TRIM24: variants seen among roughly 807,000 people sequenced by gnomAD.
TRIM24 encodes the protein tripartite motif containing 24.
TRIM24 carries 29 observed loss-of-function variants against 123.9 expected under a neutral mutation model. The observed-to-expected ratio is 0.23, with a 90% confidence interval of 0.17 to 0.32. The LOEUF (loss-of-function observed/expected upper bound fraction) is 0.32. Among genes scored for constraint, TRIM24 ranks in the 10% least tolerant of loss-of-function variants. The pLI is 1.00. For missense variants in TRIM24, 932 were observed against 1,295.3 expected, an observed-to-expected ratio of 0.72 and a Z score of 4.31; for synonymous variants, 456 against 461.1, an observed-to-expected ratio of 0.99 and a Z score of 0.14.
chr7:138,564,511 C>T (rs1219334259), intron 9 of TRIM24, among the ~76,000 whole-genome samples: 3 of 152,176 alleles, frequency 2.0e-5, no homozygotes, highest in Non-Finnish European at 4.4e-5. Context: ...TCTTTGTCTC[C>T]GTATTTGCCA....
chr7:138,537,681 G>C (rs978223680), intron 6 of TRIM24, among the ~76,000 whole-genome samples: 2 of 151,996 alleles, frequency 1.3e-5, no homozygotes, highest in African/African-American at 4.8e-5. Flanking sequence ...CTGTCTCTCT[G>C]AACTTAAATT....
intron 1 of TRIM24, among the ~76,000 whole-genome samples, chr7:138,467,674 C>G (rs567041681): frequency 3.8e-4 from 58 of 152,140 alleles, no homozygotes; most frequent in Non-Finnish European, 6.8e-4. Context: ...TTCTTCCAAT[C>G]TGTGAATATG....
intron 6 of TRIM24, among the ~76,000 whole-genome samples, chr7:138,537,864 T>C (rs1796926435): frequency 2.0e-5 from 3 of 152,234 alleles, no homozygotes; most frequent in South Asian, 4.1e-4. Context: ...ATAGCAATTT[T>C]ACTTGTAAAC....
At chr7:138,498,813 T>A (rs10278741) in intron 1 of TRIM24, among the ~76,000 whole-genome samples, 3,227 of 151,972 alleles carry the variant, frequency 0.021, 92 homozygotes, top group African/African-American at 0.071. Context: ...TTTGTACCTT[T>A]AGTAGAGACA....
At chr7:138,501,887 CA>C (rs561303066) in intron 1 of TRIM24, among the ~76,000 whole-genome samples, 26 of 136,448 alleles carry the variant, frequency 1.9e-4, no homozygotes, top group African/African-American at 2.5e-4. Flanking sequence ...GACTCCGTCT[CA>C]AAAAAAAAAA....
chr7:138,470,521 CCATTACCAGGCCTCTGG>C (rs1389541694), intron 1 of TRIM24, among the ~76,000 whole-genome samples: 2 of 152,154 alleles, frequency 1.3e-5, no homozygotes, highest in East Asian at 3.8e-4. Flanking sequence ...TTATGGTAGG[CCATTACCAGGCCTCTGG>C]CATAAAACCC....
rs769311841 is a variant in TRIM24, at chr7:138,519,346, A to G, written c.764+25A>G. On this transcript the variant is annotated intron_variant, in intron 4 of 18. Coordinates refer to ENST00000343526, the MANE Select transcript of TRIM24 (RefSeq NM_015905.3). ...GGTACCAGCATCTTTGGTTATATATATAGATTCATATGCAGCTTTAGAGGA... is the reference window on the plus strand; with the variant it reads ...GGTACCAGCATCTTTGGTTATATATGTAGATTCATATGCAGCTTTAGAGGA... 12 of 1,573,646 alleles carry G rather than the reference A, an allele frequency of 7.6e-6. No homozygotes were observed. The Admixed American group carries it at 9.5e-5, about 13-fold the overall frequency.
intron 6 of TRIM24, among the ~76,000 whole-genome samples, chr7:138,533,209 TTCTC>T (rs992284236): frequency 2.4e-4 from 37 of 152,240 alleles, no homozygotes; most frequent in African/African-American, 8.9e-4. Flanking sequence ...CTTTATTTCT[TTCTC>T]TTGCCTGATT....
chr7:138,584,602 T>C (rs1354237698), intron 18 of TRIM24, 140 bp from the exon 19 acceptor site: 1 of 630,408 alleles, frequency 1.6e-6, no homozygotes, highest in Non-Finnish European at 2.6e-6. Flanking sequence ...GCTGGCCTTC[T>C]GTACAGAGAC....
At chr7:138,545,305 A>G (rs574815896) in intron 7 of TRIM24, among the ~76,000 whole-genome samples, 5 of 152,306 alleles carry the variant, frequency 3.3e-5, no homozygotes, top group African/African-American at 9.6e-5. Context: ...GGGAACCGCA[A>G]CAGGCATGAA....
At chr7:138,575,382 G>T (rs148071032) in intron 12 of TRIM24, among the ~76,000 whole-genome samples, 3 of 151,854 alleles carry the variant, frequency 2.0e-5, no homozygotes, top group African/African-American at 7.3e-5. Flanking sequence ...AGCCTCATAC[G>T]CTTGGGCTCT....
chr7:138,567,489 T>A lies in TRIM24; in HGVS notation c.1539T>A (p.Pro513=). 1.2e-6 allele frequency: 2 copies of A among 1,605,576 alleles called. No individual in the cohort carries two copies. The highest frequency in any genetic ancestry group is 1.7e-6 in the Non-Finnish European group (2 of 1,177,180). The part of the protein sequence containing the change: ...QQPSISHQQP[P]PRLINFQNHS... ...TAATTTCTTTTTTCTAGCAACCGCC[T>A]CCACGTTTGATAAACTTTCAGAATC... The change falls in exon 10 of 19, where the codon CCT becomes CCA. Residue 513 remains proline, a synonymous_variant. Coordinates refer to ENST00000343526, the MANE Select transcript of TRIM24 (RefSeq NM_015905.3).
intron 2 of TRIM24, among the ~76,000 whole-genome samples, chr7:138,508,660 G>GGA (rs1796200058): frequency 9.4e-6 from 1 of 106,272 alleles, no homozygotes; most frequent in African/African-American, 3.2e-5. Context: ...ACTAATAAGA[G>GGA]GAGTGTGTGT....
chr7:138,584,041 G>A, intron 18 of TRIM24, 42 bp downstream of exon 18: 2 of 1,560,132 alleles, frequency 1.3e-6, no homozygotes, highest in East Asian at 2.3e-5. Context: ...GAACAGCAGT[G>A]TGAAAATCAT....
At chr7:138,473,448 G>A (rs929778577) in intron 1 of TRIM24, among the ~76,000 whole-genome samples, 4 of 152,154 alleles carry the variant, frequency 2.6e-5, no homozygotes, top group African/African-American at 7.2e-5. Flanking sequence ...CCCGTTGTTA[G>A]TGTTGGCCTT....
At position 138,585,425 on chromosome 7, in the gene TRIM24, A is replaced by G; in HGVS notation, c.*474A>G. 1 of 263,418 alleles carries G rather than the reference A, an allele frequency of 3.8e-6. No individual in the cohort carries two copies. Among genetic ancestry groups the G allele is most frequent in the Non-Finnish European group, 7.3e-6 (1 of 137,438 alleles). The allele number at this position is 263,418 out of a possible 1,614,324, so 16.3% of individuals were successfully genotyped here. On this transcript the variant is annotated 3_prime_UTR_variant, in exon 19 of 19. Coordinates refer to ENST00000343526, the MANE Select transcript of TRIM24 (RefSeq NM_015905.3). ...TGGCCTGACAATATGAATTAGGTGT[A>G]CTGTACTGAAGAACAGTACTCCACA... is the stretch of plus-strand genomic sequence containing the variant.
At chr7:138,499,021 C>T (rs1795974389) in intron 1 of TRIM24, among the ~76,000 whole-genome samples, 1 of 152,128 alleles carries the variant, frequency 6.6e-6, no homozygotes, top group South Asian at 2.1e-4. Context: ...TTTCTGTCTA[C>T]TGCTCTATTG....
At chr7:138,503,570 A>T (rs1796086624) in intron 1 of TRIM24, among the ~76,000 whole-genome samples, 1 of 150,674 alleles carries the variant, frequency 6.6e-6, no homozygotes, top group African/African-American at 2.4e-5. Context: ...TATATCTGGG[A>T]ACCTTATTGC....
intron 9 of TRIM24, 150 bp from the exon 10 acceptor site, chr7:138,567,331 C>A: frequency 1.5e-6 from 1 of 664,382 alleles, no homozygotes; most frequent in South Asian, 3.6e-5. Flanking sequence ...TCTGCCCATC[C>A]CCCACCCCTC....
Sources: allele counts gnomAD v4.1 joint callset (sites outside exome capture counted in the v4.1 genomes callset), GRCh38; gene constraint gnomAD v4.1.1; transcripts MANE v1.5; gene names NCBI Gene and HGNC (gene_info 2026-07-23, HGNC 2026-07-21).